The following CMTR1 variants were observed in gnomAD, a reference collection of about 807,000 sequenced individuals.
CMTR1 encodes the protein cap-specific mRNA (nucleoside-2'-O-)-methyltransferase 1.
In CMTR1, 39 loss-of-function variants were observed where a neutral mutation model predicts 107.0. The ratio of observed to expected loss-of-function variants is 0.36; its 90% CI spans 0.28 to 0.48. The LOEUF is 0.48. Ranked by LOEUF, CMTR1 falls within the 20% of genes least tolerant of loss-of-function variation. The probability of loss-of-function intolerance (pLI) is 0.99; values close to 1 mark genes in which losing one functional copy is unlikely to be tolerated. For synonymous variants in CMTR1, 366 were observed against 379.5 expected, an observed-to-expected ratio of 0.96 and a Z score of 0.41; for missense variants, 672 against 1,064.9, an observed-to-expected ratio of 0.63 and a Z score of 5.14.
Position 37,480,663 on chromosome 6 carries a change from C to T in CMTR1, c.*518C>T. The T allele has an allele frequency of 9.7e-7, 1 of 1,027,206 alleles. No homozygotes were observed. Among genetic ancestry groups the T allele is most frequent in the Non-Finnish European group, 1.2e-6 (1 of 857,314 alleles). The allele number at this position is 1,027,206 out of a possible 1,614,324, so 63.6% of individuals were successfully genotyped here. On this transcript the variant is annotated 3_prime_UTR_variant, in exon 24 of 24. Transcript: ENST00000373451. ...TCAAGGTTTTGTTTCTTTGAACTTACTCTGTTTTGATGCCAAATTGGAGAC... is the reference window on the plus strand; with the variant it reads ...TCAAGGTTTTGTTTCTTTGAACTTATTCTGTTTTGATGCCAAATTGGAGAC...
In CMTR1 at chr6:37,445,735, C is replaced by T. The variant is rs530763925; in HGVS notation, c.286-556C>T. 3.9e-4 allele frequency among the ~76,000 whole-genome samples: 59 copies of T among 152,072 alleles called. No homozygotes were observed. The South Asian group carries it at 0.011, about 30-fold the overall frequency. The stretch of plus-strand genomic sequence containing the variant: ...GTCTCTATCTCCTGACCTCGTGATC[C>T]GCCCTTCTCGGCCTCCCAAAGTGCT... On this transcript the variant is annotated intron_variant, in intron 3 of 23. Transcript: ENST00000373451.
intron 2 of CMTR1, among the ~76,000 whole-genome samples, chr6:37,440,320 T>TG (rs1373229875): frequency 6.6e-6 from 1 of 152,214 alleles, no homozygotes; most frequent in African/African-American, 2.4e-5. Flanking sequence ...CTAAGCCTCC[T>TG]GTTTAGTTCC....
At chr6:37,459,874 G>C (rs1368062123) in intron 10 of CMTR1, among the ~76,000 whole-genome samples, 190 bp downstream of exon 10, 1 of 152,068 alleles carries the variant, frequency 6.6e-6, no homozygotes, top group Non-Finnish European at 1.5e-5. Context: ...TGATGTTGTG[G>C]ATACCTTTGC....
intron 22 of CMTR1, 53 bp downstream of exon 22, chr6:37,478,574 C>A: frequency 6.9e-7 from 1 of 1,445,878 alleles, no homozygotes; most frequent in Non-Finnish European, 9.7e-7. Flanking sequence ...CCTCTCCTCG[C>A]CAGGTGATGG....
chr6:37,478,098 T>C (rs1761775522), intron 21 of CMTR1, among the ~76,000 whole-genome samples: 1 of 152,154 alleles, frequency 6.6e-6, no homozygotes, highest in Non-Finnish European at 1.5e-5. Flanking sequence ...CATTAACTCT[T>C]CAGTGGCTGC....
At chr6:37,475,200 C>T (rs1434716945) in intron 18 of CMTR1, 121 bp from the exon 19 acceptor site, 7 of 759,324 alleles carry the variant, frequency 9.2e-6, no homozygotes, top group Non-Finnish European at 1.6e-5. Flanking sequence ...AAATATCCTG[C>T]ATTTAGAGCC....
Position 37,481,331 on chromosome 6 carries a change from G to A in CMTR1, c.*1186G>A. 2 of 1,199,496 alleles carry A rather than the reference G, an allele frequency of 1.7e-6. No homozygotes were observed. The highest frequency in any genetic ancestry group is 2.1e-6 in the Non-Finnish European group (2 of 948,360). The allele number at this position is 1,199,496 out of a possible 1,614,324, so 74.3% of individuals were successfully genotyped here. A position where few individuals can be genotyped will look rare whatever the true frequency, so the allele number is the denominator to read the frequency against. On this transcript the variant is annotated 3_prime_UTR_variant, in exon 24 of 24. Coordinates refer to ENST00000373451, the MANE Select transcript of CMTR1 (RefSeq NM_015050.3). ...CCAGGCTGGTTTCCATGGAGATAGG[G>A]CACTGAGGCTCCCGTGAGGTTGGAA...
At chr6:37,441,159 T>C (rs1267006269) in intron 2 of CMTR1, among the ~76,000 whole-genome samples, 6 of 152,178 alleles carry the variant, frequency 3.9e-5, no homozygotes, top group Non-Finnish European at 8.8e-5. Flanking sequence ...GTTGAAGGCA[T>C]GAAAGCAACT....
At chr6:37,446,043 A>G (rs1771786944) in intron 3 of CMTR1, among the ~76,000 whole-genome samples, 1 of 152,216 alleles carries the variant, frequency 6.6e-6, no homozygotes, top group Non-Finnish European at 1.5e-5. Flanking sequence ...TAATTAGGCT[A>G]TGAGGTCCCT....
chr6:37,431,066 A>C (rs1325048332), upstream of CMTR1, among the ~76,000 whole-genome samples: 1 of 150,316 alleles, frequency 6.7e-6, no homozygotes, highest in Non-Finnish European at 1.5e-5. Flanking sequence ...CTATATATTT[A>C]TCTGTTTTTT....
At chr6:37,475,437 G>A in intron 19 of CMTR1, 25 bp downstream of exon 19, 1 of 1,429,350 alleles carries the variant, frequency 7.0e-7, no homozygotes, top group Non-Finnish European at 9.9e-7. Context: ...CCAGGGTAGG[G>A]AGGGTGGGGG....
At chr6:37,469,946 T>C (rs1761588987) in intron 13 of CMTR1, among the ~76,000 whole-genome samples, 1 of 151,854 alleles carries the variant, frequency 6.6e-6, no homozygotes, top group Non-Finnish European at 1.5e-5. Flanking sequence ...TTTTTTCCTC[T>C]TTTATGTTTC....
At chr6:37,456,560 A>C (rs953552663) in intron 8 of CMTR1, among the ~76,000 whole-genome samples, 3 of 152,160 alleles carry the variant, frequency 2.0e-5, no homozygotes, top group Non-Finnish European at 4.4e-5. Flanking sequence ...TAGTATGTCT[A>C]TTTCTTTCTT....
At chr6:37,459,883 G>A (rs920963998) in intron 10 of CMTR1, among the ~76,000 whole-genome samples, 199 bp downstream of exon 10, 49 of 152,232 alleles carry the variant, frequency 3.2e-4, no homozygotes, top group African/African-American at 1.0e-3. Context: ...GGATACCTTT[G>A]CCTGGAGCAG....
At chr6:37,435,568 G>C in intron 1 of CMTR1, 56 bp from the exon 2 acceptor site, 1 of 1,556,904 alleles carries the variant, frequency 6.4e-7, no homozygotes, top group African/African-American at 1.4e-5. Context: ...AATCCCTGCT[G>C]TGATCCCAGT....
At chr6:37,451,015 A>G (rs1490436274) in intron 5 of CMTR1, among the ~76,000 whole-genome samples, 1 of 152,146 alleles carries the variant, frequency 6.6e-6, no homozygotes, top group Non-Finnish European at 1.5e-5. Context: ...TGCTGAAGAA[A>G]TTTGCAAAAA....
intron 22 of CMTR1, 122 bp from the exon 23 acceptor site, chr6:37,479,025 T>C (rs1436018375): frequency 4.5e-6 from 3 of 669,864 alleles, no homozygotes; most frequent in African/African-American, 1.8e-5. Flanking sequence ...TCACGGGCTA[T>C]TCCCTGCTTG....
At chr6:37,470,020 G>T (rs552836400) in intron 13 of CMTR1, among the ~76,000 whole-genome samples, 25 of 150,952 alleles carry the variant, frequency 1.7e-4, no homozygotes, top group African/African-American at 5.9e-4. Context: ...ACTATGTTCA[G>T]TCTGCCAATC....
chr6:37,425,227 C>G, the CMTR1 span, among the ~76,000 whole-genome samples: 1 of 151,118 alleles, frequency 6.6e-6, no homozygotes, highest in East Asian at 1.9e-4. Context: ...TTTTCCCTCA[C>G]TTTTGAGGGA....
Sources: allele counts gnomAD v4.1 joint callset (sites outside exome capture counted in the v4.1 genomes callset), GRCh38; gene constraint gnomAD v4.1.1; transcripts MANE v1.5; gene names NCBI Gene and HGNC (gene_info 2026-07-23, HGNC 2026-07-21).